CDKAL1: variants seen among roughly 807,000 people sequenced by gnomAD.
CDKAL1 encodes CDKAL1 threonylcarbamoyladenosine tRNA methylthiotransferase.
CDKAL1 carries 32 observed loss-of-function variants against 68.2 expected under a neutral mutation model. The ratio of observed to expected loss-of-function variants is 0.47; its 90% CI spans 0.35 to 0.63. The LOEUF (loss-of-function observed/expected upper bound fraction) is 0.63. CDKAL1 is among the 30% of genes least tolerant of loss of function. The probability of loss-of-function intolerance (pLI) is 0.00; values close to 1 mark genes in which losing one functional copy is unlikely to be tolerated. For missense variants in CDKAL1, 606 were observed against 696.7 expected, an observed-to-expected ratio of 0.87 and a Z score of 1.47; for synonymous variants, 234 against 244.3, an observed-to-expected ratio of 0.96 and a Z score of 0.39.
chr6:20,683,708 G>A (rs1443111092), intron 5 of CDKAL1, among the ~76,000 whole-genome samples: 2 of 152,074 alleles, frequency 1.3e-5, no homozygotes, highest in South Asian at 2.1e-4. Context: ...ATGAACCTAC[G>A]TTGACACATC....
At chr6:21,197,851 C>T (rs760617288) in intron 13 of CDKAL1, among the ~76,000 whole-genome samples, 170 bp from the exon 14 acceptor site, 1 of 152,122 alleles carries the variant, frequency 6.6e-6, no homozygotes, top group Non-Finnish European at 1.5e-5. Flanking sequence ...AATTTGAATC[C>T]GTGATTTGAA....
intron 11 of CDKAL1, among the ~76,000 whole-genome samples, chr6:21,027,807 C>CTGCTGTGGGGAGG (rs1769044266): frequency 6.6e-6 from 1 of 152,132 alleles, no homozygotes; most frequent in Non-Finnish European, 1.5e-5. Context: ...AGGAAACAGG[C>CTGCTGTGGGGAGG]TAATATAAGT....
Position 21,036,979 on chromosome 6 carries a change from G to A in CDKAL1, c.1056-28069G>A, listed in dbSNP as rs369424229. On this transcript the variant is annotated intron_variant, in intron 11 of 15. Coordinates refer to ENST00000274695, the MANE Select transcript of CDKAL1 (RefSeq NM_017774.3). The stretch of plus-strand genomic sequence containing the variant: ...GAGAGGAGATTAGACAAGAGGATTC[G>A]GATTATCATGGGCCTTATTTGCTCA... Among the ~76,000 whole-genome samples the A allele has an allele frequency of 3.9e-5, 6 of 152,240 alleles. No individual in the cohort carries two copies. The East Asian group carries it at 7.7e-4, about 20-fold the overall frequency.
intron 11 of CDKAL1, among the ~76,000 whole-genome samples, chr6:21,053,945 A>G (rs1160404892): frequency 1.3e-5 from 2 of 152,100 alleles, no homozygotes; most frequent in African/African-American, 4.8e-5. Flanking sequence ...TCTTTTGAGT[A>G]AGTTTAATTT....
chr6:20,828,681 C>T (rs1286115438), intron 8 of CDKAL1, among the ~76,000 whole-genome samples: 2 of 152,150 alleles, frequency 1.3e-5, no homozygotes, highest in Non-Finnish European at 2.9e-5. Context: ...ACCAGTCTGT[C>T]GTTCTTGTGG....
At chr6:20,656,668 A>G (rs1769040548) in intron 5 of CDKAL1, among the ~76,000 whole-genome samples, 1 of 152,160 alleles carries the variant, frequency 6.6e-6, no homozygotes, top group South Asian at 2.1e-4. Context: ...GAGTATTTCT[A>G]AAAGTTTAAA....
rs753284713 is a variant in CDKAL1 at position 20,546,342 on chromosome 6, G to T, written c.-5-4G>T. On this transcript the variant is annotated splice_region_variant and splice_polypyrimidine_tract_variant and intron_variant, in intron 2 of 15. Coordinates refer to ENST00000274695, the MANE Select transcript of CDKAL1 (RefSeq NM_017774.3). Reference sequence around the variant, plus strand: ...TGATTTTATTTATAACTTTTATGTGGTAGAGAATATGCCTTCTGCATCCTG... The same window carrying T: ...TGATTTTATTTATAACTTTTATGTGTTAGAGAATATGCCTTCTGCATCCTG... 1 of 1,592,744 alleles carries T rather than the reference G, an allele frequency of 6.3e-7. No individual in the cohort carries two copies. Among genetic ancestry groups the T allele is most frequent in the South Asian group, 1.1e-5 (1 of 88,424 alleles).
chr6:20,972,709 C>G (rs1765654465), intron 10 of CDKAL1, among the ~76,000 whole-genome samples: 1 of 152,126 alleles, frequency 6.6e-6, no homozygotes, highest in Non-Finnish European at 1.5e-5. Flanking sequence ...GACCTCCCTT[C>G]TCTTAGGAAA....
chr6:21,119,436 G>A lies in CDKAL1; in HGVS notation c.1299+10973G>A, dbSNP rs188809428. On this transcript the variant is annotated intron_variant, in intron 13 of 15. Coordinates refer to ENST00000274695, the MANE Select transcript of CDKAL1 (RefSeq NM_017774.3). ...AGTTACAATTTTTAGAATTTAAGTA[G>A]GGATTTTGTCTATTTTGTTCAATGT... is the stretch of plus-strand genomic sequence containing the variant. Among the ~76,000 whole-genome samples, 1,448 of 152,244 alleles carry A rather than the reference G, an allele frequency of 9.5e-3. 10 individuals carry two copies. Among genetic ancestry groups the A allele is most frequent in the Non-Finnish European group, 0.013 (895 of 68,026 alleles).
chr6:21,012,077 G>T (rs545964926), intron 11 of CDKAL1, among the ~76,000 whole-genome samples: 2 of 152,172 alleles, frequency 1.3e-5, no homozygotes, highest in African/African-American at 4.8e-5. Context: ...TTAATCTCCA[G>T]CCATCACATC....
chr6:20,886,143 G>T (rs1761057786), intron 9 of CDKAL1, among the ~76,000 whole-genome samples: 1 of 152,184 alleles, frequency 6.6e-6, no homozygotes, highest in Non-Finnish European at 1.5e-5. Context: ...CACATGAAAA[G>T]ATGCTGAAAA....
At chr6:21,076,793 T>G (rs931876631) in intron 12 of CDKAL1, among the ~76,000 whole-genome samples, 1 of 152,200 alleles carries the variant, frequency 6.6e-6, no homozygotes, top group Non-Finnish European at 1.5e-5. Context: ...TTATGCAACT[T>G]AATTGTACTT....
At chr6:20,540,921 G>C (rs1763365297) in intron 2 of CDKAL1, among the ~76,000 whole-genome samples, 1 of 152,184 alleles carries the variant, frequency 6.6e-6, no homozygotes, top group Non-Finnish European at 1.5e-5. Flanking sequence ...AGGTCACCTA[G>C]GGAGTGCCTG....
At chr6:20,902,311 T>TCACACACACACACACACACACA (rs71658260) in intron 9 of CDKAL1, among the ~76,000 whole-genome samples, 1 of 8,224 alleles carries the variant, frequency 1.2e-4, no homozygotes, top group African/African-American at 7.3e-4. Context: ...CGTGGTGGAT[T>TCACACACACACACACACACACA]CACACACACA....
chr6:20,820,855 GAGAC>G (rs1213320602), intron 8 of CDKAL1, among the ~76,000 whole-genome samples: 1 of 152,086 alleles, frequency 6.6e-6, no homozygotes, highest in African/African-American at 2.4e-5. Context: ...TCTAGTGGTG[GAGAC>G]AGACAGGTAA....
At chr6:20,899,581 C>T (rs994358178) in intron 9 of CDKAL1, among the ~76,000 whole-genome samples, 9 of 152,140 alleles carry the variant, frequency 5.9e-5, no homozygotes, top group African/African-American at 1.7e-4. Context: ...TGGTGGCTCA[C>T]GCCTGTAATC....
intron 4 of CDKAL1, among the ~76,000 whole-genome samples, chr6:20,576,969 A>G (rs1395359073): frequency 6.6e-6 from 1 of 152,196 alleles, no homozygotes; most frequent in Non-Finnish European, 1.5e-5. Context: ...TATGTTCTCC[A>G]TACCCATTTT....
At chr6:20,982,048 CTTATTTATTTAT>C (rs35693086) in intron 10 of CDKAL1, among the ~76,000 whole-genome samples, 105 of 147,074 alleles carry the variant, frequency 7.1e-4, no homozygotes, top group Middle Eastern at 3.5e-3. Context: ...GAAGGAAATT[CTTATTTATTTAT>C]TTATTTATTT....
At chr6:20,574,703 G>T (rs1764843205) in intron 4 of CDKAL1, among the ~76,000 whole-genome samples, 1 of 151,928 alleles carries the variant, frequency 6.6e-6, no homozygotes, top group Admixed American at 6.6e-5. Context: ...TTTGTTTGGG[G>T]CTCTTGCTGG....
Sources: allele counts gnomAD v4.1 joint callset (sites outside exome capture counted in the v4.1 genomes callset), GRCh38; gene constraint gnomAD v4.1.1; transcripts MANE v1.5; gene names NCBI Gene and HGNC (gene_info 2026-07-23, HGNC 2026-07-21).